The following FKTN variants were observed in gnomAD, a reference collection of about 807,000 sequenced individuals.
FKTN encodes the protein fukutin, also known as ribitol-5-phosphate transferase FKTN.
In FKTN, 47 loss-of-function variants were observed where a neutral mutation model predicts 58.6. The ratio of observed to expected loss-of-function variants is 0.80; its 90% CI spans 0.63 to 1.02. FKTN has a LOEUF of 1.02. FKTN is among the 50% of genes least tolerant of loss of function. FKTN has a pLI of 0.00. For missense variants in FKTN, 516 were observed against 537.3 expected (o/e 0.96, Z 0.39); for synonymous variants, 178 against 191.9 (o/e 0.93, Z 0.60).
At chr9:105,558,657 AG>A (rs1837664612) in intron 1 of FKTN, among the ~76,000 whole-genome samples, 1 of 151,746 alleles carries the variant, frequency 6.6e-6, no homozygotes, top group East Asian at 1.9e-4. Flanking sequence ...AAAAGGACCT[AG>A]ATGATATATC....
intron 1 of FKTN, among the ~76,000 whole-genome samples, chr9:105,562,627 AG>A (rs1564182099): frequency 1.3e-5 from 2 of 152,348 alleles, no homozygotes; most frequent in South Asian, 2.1e-4. Context: ...ACCTTTATAA[AG>A]GCAGTTTAGT....
chr9:105,629,597 A>G (rs1833149503), intron 10 of FKTN, among the ~76,000 whole-genome samples: 1 of 152,218 alleles, frequency 6.6e-6, no homozygotes, highest in Admixed American at 6.5e-5. Context: ...GTAGAGCTAT[A>G]GAGTTTTTGG....
intron 6 of FKTN, among the ~76,000 whole-genome samples, chr9:105,605,980 T>C (rs1828820280): frequency 6.6e-6 from 1 of 152,166 alleles, no homozygotes; most frequent in East Asian, 1.9e-4. Context: ...CATGCTTGTA[T>C]CAAAATATTG....
At chr9:105,609,153 A>C (rs1829445229) in intron 7 of FKTN, among the ~76,000 whole-genome samples, 1 of 152,218 alleles carries the variant, frequency 6.6e-6, no homozygotes, top group Non-Finnish European at 1.5e-5. Flanking sequence ...CAGTAGGGTC[A>C]GTTTTCAAAT....
At position 105,638,687 on chromosome 9, in the gene FKTN, T is replaced by A; in HGVS notation, c.*3423T>A. ...TGGAGTCACTTTGCAGTTTTCAAGA[T>A]TTTTTTTTTATCTGCTTGGCTGGAA... On this transcript the variant is annotated 3_prime_UTR_variant, in exon 11 of 11. Coordinates refer to ENST00000357998, the MANE Select transcript of FKTN (RefSeq NM_001079802.2). 1 of 861,982 alleles carries A rather than the reference T, an allele frequency of 1.2e-6. No homozygotes were observed. Among genetic ancestry groups the A allele is most frequent in the Non-Finnish European group, 1.4e-6 (1 of 721,670 alleles). 53.4% of individuals were successfully genotyped at this position (861,982 alleles called of 1,614,324 possible).
In FKTN at chr9:105,639,284, G is replaced by A; in HGVS notation, c.*4020G>A. 1 of 985,224 alleles carries A rather than the reference G, an allele frequency of 1.0e-6. No individual in the cohort carries two copies. The highest frequency in any genetic ancestry group is 1.2e-6 in the Non-Finnish European group (1 of 829,794). 61.0% of individuals were successfully genotyped at this position (985,224 alleles called of 1,614,324 possible). A position where few individuals can be genotyped will look rare whatever the true frequency, so the allele number is the denominator to read the frequency against. On this transcript the variant is annotated 3_prime_UTR_variant, in exon 11 of 11. Transcript: ENST00000357998. ...TCCACTATCATTAAGACCTGGGCTA[G>A]ATCACCTCTAACATCTCACTCAGGG...
At chr9:105,631,231 G>C (rs1833398126) in intron 10 of FKTN, among the ~76,000 whole-genome samples, 1 of 152,156 alleles carries the variant, frequency 6.6e-6, no homozygotes. Flanking sequence ...AACTTTAGAA[G>C]CCCTTCCATT....
chr9:105,568,604 A>G (rs1419988147), intron 1 of FKTN, among the ~76,000 whole-genome samples: 1 of 152,222 alleles, frequency 6.6e-6, no homozygotes, highest in Admixed American at 6.5e-5. Context: ...ATCTCACACC[A>G]GTTAGAATGG....
chr9:105,596,152 T>C (rs1290292973), intron 3 of FKTN, among the ~76,000 whole-genome samples: 1 of 152,172 alleles, frequency 6.6e-6, no homozygotes, highest in African/African-American at 2.4e-5. Context: ...GTATACATAA[T>C]TGATATATGG....
At chr9:105,610,769 C>T (rs1014363347) in intron 7 of FKTN, among the ~76,000 whole-genome samples, 1 of 151,964 alleles carries the variant, frequency 6.6e-6, no homozygotes, top group African/African-American at 2.4e-5. Context: ...GGCTCTGATA[C>T]CCCGTATCAG....
chr9:105,596,087 T>C (rs925401004), intron 3 of FKTN, among the ~76,000 whole-genome samples: 3 of 152,198 alleles, frequency 2.0e-5, no homozygotes, highest in African/African-American at 7.2e-5. Flanking sequence ...ACTGGTGCTA[T>C]CTGCAAAACA....
rs370819786 is a variant in FKTN at position 105,607,952 on chromosome 9, G to T, written c.780+1G>T. ...TAAAGAAGCTCGAGCATTCTTTCAGGTTAGAGACAACCAAATGTGTACTTT... is the reference window on the plus strand; with the variant it reads ...TAAAGAAGCTCGAGCATTCTTTCAGTTTAGAGACAACCAAATGTGTACTTT... On this transcript the variant is annotated splice_donor_variant, in intron 7 of 10. Coordinates refer to ENST00000357998, the MANE Select transcript of FKTN (RefSeq NM_001079802.2). LOFTEE classifies it high-confidence loss of function. 1.9e-6 allele frequency: 3 copies of T among 1,610,474 alleles called. No homozygotes were observed. Among genetic ancestry groups the T allele is most frequent in the Non-Finnish European group, 2.5e-6 (3 of 1,176,912 alleles).
Position 105,638,105 on chromosome 9 carries a change from A to C in FKTN, c.*2841A>C. On this transcript the variant is annotated 3_prime_UTR_variant, in exon 11 of 11. Coordinates refer to ENST00000357998, the MANE Select transcript of FKTN (RefSeq NM_001079802.2). ...TTAAACCCTCTTATTTTATAACTAA[A>C]TAAATAATCACAGAAAAGAATGATC... 1.0e-6 allele frequency: 1 copy of C among 975,754 alleles called. No homozygotes were observed. The highest frequency in any genetic ancestry group is 1.2e-6 in the Non-Finnish European group (1 of 821,158). The allele number at this position is 975,754 out of a possible 1,614,324, so 60.4% of individuals were successfully genotyped here.
chr9:105,615,224 G>C, intron 7 of FKTN, 54 bp from the exon 8 acceptor site: 3 of 1,586,780 alleles, frequency 1.9e-6, no homozygotes, highest in Non-Finnish European at 2.6e-6. Flanking sequence ...CCACAGAAAG[G>C]TTCCTAGCAA....
chr9:105,566,292 C>G (rs2131801775), intron 1 of FKTN, among the ~76,000 whole-genome samples: 1 of 152,216 alleles, frequency 6.6e-6, no homozygotes, highest in South Asian at 2.1e-4. Context: ...CAAGAAATAA[C>G]TAAGATCAGA....
At chr9:105,590,577 A>ATG (rs1376913552) in intron 3 of FKTN, among the ~76,000 whole-genome samples, 1 of 152,212 alleles carries the variant, frequency 6.6e-6, no homozygotes, top group Admixed American at 6.5e-5. Flanking sequence ...GATGGATTCG[A>ATG]TGTAGGGTAT....
At chr9:105,618,651 G>A (rs1364895994) in intron 9 of FKTN, among the ~76,000 whole-genome samples, 3 of 152,162 alleles carry the variant, frequency 2.0e-5, no homozygotes, top group African/African-American at 4.8e-5. Context: ...ATAGGTCATT[G>A]GGGCCTAGAT....
chr9:105,611,251 AT>A (rs1208661698), intron 7 of FKTN, among the ~76,000 whole-genome samples: 5 of 152,218 alleles, frequency 3.3e-5, no homozygotes, highest in African/African-American at 1.2e-4. Flanking sequence ...GAAAAATTAA[AT>A]AAACATGATA....
chr9:105,627,000 G>A (rs183254005), intron 10 of FKTN, among the ~76,000 whole-genome samples: 49 of 129,518 alleles, frequency 3.8e-4, no homozygotes, highest in Middle Eastern at 7.7e-3. Flanking sequence ...TTTTTTTTGA[G>A]ACAGAGTTGT....
Sources: allele counts gnomAD v4.1 joint callset (sites outside exome capture counted in the v4.1 genomes callset), GRCh38; gene constraint gnomAD v4.1.1; transcripts MANE v1.5; gene names NCBI Gene and HGNC (gene_info 2026-07-23, HGNC 2026-07-21).